The following SLC44A1 variants were observed in gnomAD, a reference collection of about 807,000 sequenced individuals.
SLC44A1 encodes the protein solute carrier family 44 member 1.
A neutral mutation model predicts 79.3 loss-of-function variants in SLC44A1; 26 were observed. The ratio of observed to expected loss-of-function variants is 0.33; its 90% CI spans 0.24 to 0.46. The LOEUF is 0.46. Among genes scored for constraint, SLC44A1 ranks in the 20% least tolerant of loss-of-function variants. The pLI, the probability that SLC44A1 is intolerant of heterozygous loss-of-function variation, is 1.00. For synonymous variants in SLC44A1, 263 were observed against 286.2 expected (o/e 0.92, Z 0.82); for missense variants, 688 against 798.1 (o/e 0.86, Z 1.66).
intron 1 of SLC44A1, among the ~76,000 whole-genome samples, chr9:105,291,404 G>A (rs1830598955): frequency 6.6e-6 from 1 of 152,186 alleles, no homozygotes; most frequent in African/African-American, 2.4e-5. Context: ...CTACGCAGCG[G>A]TGACCTTGGA....
At chr9:105,411,481 TGC>T (rs369097577) in intron 15 of SLC44A1, among the ~76,000 whole-genome samples, 4,095 of 137,716 alleles carry the variant, frequency 0.03, 209 homozygotes, top group African/African-American at 0.13. Flanking sequence ...TGTGTGTGTG[TGC>T]GTGTGCATTT....
chr9:105,339,743 C>G (rs1241115137), intron 4 of SLC44A1, among the ~76,000 whole-genome samples: 1 of 152,156 alleles, frequency 6.6e-6, no homozygotes, highest in Admixed American at 6.5e-5. Flanking sequence ...AGGAGGATCG[C>G]TTGAGCCCAG....
chr9:105,337,265 C>T (rs545963024), intron 4 of SLC44A1, among the ~76,000 whole-genome samples: 3 of 152,240 alleles, frequency 2.0e-5, no homozygotes, highest in Admixed American at 6.5e-5. Flanking sequence ...AGATGTTGCT[C>T]CTACCACTTA....
chr9:105,312,371 A>T (rs1831203750), intron 3 of SLC44A1, among the ~76,000 whole-genome samples: 1 of 152,180 alleles, frequency 6.6e-6, no homozygotes, highest in African/African-American at 2.4e-5. Context: ...GTAATTATAT[A>T]CTTATTTTTT....
intron 3 of SLC44A1, among the ~76,000 whole-genome samples, chr9:105,317,444 C>A (rs1244347395): frequency 6.6e-6 from 1 of 151,990 alleles, no homozygotes; most frequent in Non-Finnish European, 1.5e-5. Context: ...GGGTTCAAGG[C>A]AGGGCTTGCA....
chr9:105,384,234 G>A (rs1450756976), intron 14 of SLC44A1, among the ~76,000 whole-genome samples: 1 of 151,428 alleles, frequency 6.6e-6, no homozygotes, highest in Non-Finnish European at 1.5e-5. Flanking sequence ...CACCCAGACT[G>A]CAGTGCAGTG....
In SLC44A1 at chr9:105,385,476, G is replaced by T; in HGVS notation, c.1924G>T (p.Ala642Ser). 6.3e-7 allele frequency: 1 copy of T among 1,582,344 alleles called. No homozygotes were observed. Among genetic ancestry groups the T allele is most frequent in the Non-Finnish European group, 8.6e-7 (1 of 1,163,738 alleles). The change falls in exon 15 of 16, where the codon GCT (alanine) becomes TCT (serine). Residue 642 changes from alanine (A) to serine (S), a missense_variant. Coordinates refer to ENST00000374720, the MANE Select transcript of SLC44A1 (RefSeq NM_080546.5). ...GAAAGAAGCTGGTAAGGGAGGCGTC[G>T]CTGATTCCAGAGAGCTAAAGCCGAT... Reference protein sequence around the residue: ...AMKEAGKGGVADSRELKPMAS... With the variant: ...AMKEAGKGGVSDSRELKPMAS...
intron 1 of SLC44A1, among the ~76,000 whole-genome samples, chr9:105,266,697 A>C (rs1315605234): frequency 2.6e-5 from 4 of 152,126 alleles, no homozygotes; most frequent in Admixed American, 6.5e-5. Context: ...GTATGGTCTT[A>C]ATTATTGTGG....
chr9:105,247,577 A>T (rs1737866842), intron 1 of SLC44A1, among the ~76,000 whole-genome samples: 1 of 152,218 alleles, frequency 6.6e-6, no homozygotes, highest in African/African-American at 2.4e-5. Context: ...TATTACAGAC[A>T]TGAGCCACCG....
intron 5 of SLC44A1, chr9:105,355,941 G>A (rs1485860366): frequency 9.1e-6 from 4 of 441,764 alleles, no homozygotes; most frequent in Non-Finnish European, 1.6e-5. Context: ...ATGTGTGTGT[G>A]TGTGTGTGCG....
At chr9:105,326,499 A>G (rs1008871095) in intron 3 of SLC44A1, among the ~76,000 whole-genome samples, 1 of 152,190 alleles carries the variant, frequency 6.6e-6, no homozygotes, top group African/African-American at 2.4e-5. Context: ...GGAGACAGGC[A>G]TTGTAGCTAA....
intron 1 of SLC44A1, among the ~76,000 whole-genome samples, chr9:105,263,439 C>G (rs977684941): frequency 6.6e-6 from 1 of 152,056 alleles, no homozygotes; most frequent in Admixed American, 6.6e-5. Context: ...GTCAGACTTT[C>G]AGAAACTTTA....
intron 3 of SLC44A1, among the ~76,000 whole-genome samples, chr9:105,316,275 A>C (rs981748586): frequency 6.6e-6 from 1 of 152,182 alleles, no homozygotes; most frequent in Non-Finnish European, 1.5e-5. Context: ...AGGCCATGAG[A>C]AAGGTTACAA....
intron 15 of SLC44A1, among the ~76,000 whole-genome samples, chr9:105,428,940 G>A (rs77357442): frequency 2.0e-5 from 3 of 152,156 alleles, no homozygotes; most frequent in South Asian, 2.1e-4. Flanking sequence ...TCCTGACCTC[G>A]TGATCCGCCT....
chr9:105,386,631 C>A, intron 15 of SLC44A1: 1 of 148,070 alleles, frequency 6.8e-6, no homozygotes, highest in East Asian at 1.9e-4. Flanking sequence ...ATATGTGGCC[C>A]AAGACAATTC....
At position 105,394,330 on chromosome 9, in the gene SLC44A1, A is replaced by G. The variant is rs945686659; in HGVS notation, c.*5274A>G. On this transcript the variant is annotated 3_prime_UTR_variant, in exon 16 of 16. Coordinates refer to ENST00000374720, the MANE Select transcript of SLC44A1 (RefSeq NM_080546.5). ...TTTAGTAGCAGGTTAGGGAATAGAA[A>G]CCACACTAATCTGAAGGAATAACAA... 2 of 985,254 alleles carry G rather than the reference A, an allele frequency of 2.0e-6. No individual in the cohort carries two copies. The highest frequency in any genetic ancestry group is 3.5e-5 in the African/African-American group (2 of 57,220). The allele number at this position is 985,254 out of a possible 1,614,324, so 61.0% of individuals were successfully genotyped here.
chr9:105,379,188 A>G (rs1424580267), intron 13 of SLC44A1, among the ~76,000 whole-genome samples: 1 of 152,130 alleles, frequency 6.6e-6, no homozygotes, highest in Non-Finnish European at 1.5e-5. Flanking sequence ...AGGTGGGAGA[A>G]TCGCTTCAGC....
intron 3 of SLC44A1, among the ~76,000 whole-genome samples, chr9:105,318,575 GA>G (rs1358312709): frequency 1.3e-5 from 2 of 152,130 alleles, no homozygotes; most frequent in Admixed American, 6.5e-5. Context: ...AATTTATGGA[GA>G]TTTTTTTGTC....
At chr9:105,294,640 T>G (rs1281970982) in intron 1 of SLC44A1, 1 of 152,036 alleles carries the variant, frequency 6.6e-6, no homozygotes, top group African/African-American at 2.4e-5. Flanking sequence ...GTATAATAGG[T>G]GTAGGGGGTG....
Sources: allele counts gnomAD v4.1 joint callset (sites outside exome capture counted in the v4.1 genomes callset), GRCh38; gene constraint gnomAD v4.1.1; transcripts MANE v1.5; gene names NCBI Gene and HGNC (gene_info 2026-07-23, HGNC 2026-07-21).